ZNF584: variants seen among roughly 807,000 people sequenced by gnomAD.
The protein encoded by ZNF584 is zinc finger protein 584.
In ZNF584, 12 loss-of-function variants were observed where a neutral mutation model predicts 14.7. That is an observed-to-expected ratio of 0.82 (90% CI 0.52 to 1.32). The LOEUF (loss-of-function observed/expected upper bound fraction) is 1.32, where lower values mean the gene tolerates loss of function less well. ZNF584 is among the 40% of genes most tolerant of loss of function. The probability of loss-of-function intolerance (pLI) is 0.00; values close to 1 mark genes in which losing one functional copy is unlikely to be tolerated. For synonymous variants in ZNF584, 204 were observed against 190.9 expected (o/e 1.07, Z -0.57); for missense variants, 478 against 518.8 (o/e 0.92, Z 0.76).
At chr19:58,415,670 C>G in intron 3 of ZNF584, 24 bp downstream of exon 3, 3 of 1,610,372 alleles carry the variant, frequency 1.9e-6, no homozygotes, top group Non-Finnish European at 2.5e-6. Flanking sequence ...AGGGGAATAC[C>G]TTGGTTTCAG....
At position 58,410,621 on chromosome 19, in the gene ZNF584, ATG is replaced by A. The variant is rs1555785587; in HGVS notation, c.169+534_169+535del. Among the ~76,000 whole-genome samples the A allele has an allele frequency of 1.0e-4, 5 of 48,058 alleles. 1 individual carries two copies. The highest frequency in any genetic ancestry group is 5.4e-4 in the African/African-American group (3 of 5,564). The allele number at this position is 48,058 out of a possible 152,430, so 31.5% of individuals were successfully genotyped here. A position where few individuals can be genotyped will look rare whatever the true frequency, so the allele number is the denominator to read the frequency against. On this transcript the variant is annotated intron_variant, in intron 2 of 3. Coordinates refer to ENST00000306910, the MANE Select transcript of ZNF584 (RefSeq NM_173548.3). ...TATATATGTATATATATGTGTATATATGTGTATATATGTGTATATATATGTGT... is the reference window on the plus strand; with the variant it reads ...TATATATGTATATATATGTGTATATATGTATATATGTGTATATATATGTGT...
intron 2 of ZNF584, among the ~76,000 whole-genome samples, chr19:58,414,420 G>C (rs973395443): frequency 6.6e-6 from 1 of 151,752 alleles, no homozygotes; most frequent in African/African-American, 2.4e-5. Context: ...CTCACTGCAA[G>C]CTCTGCCTCC....
At chr19:58,401,727 C>G (rs921564868) in intron 1 of ZNF584, 1 of 136,726 alleles carries the variant, frequency 7.3e-6, no homozygotes, top group East Asian at 2.4e-4. Flanking sequence ...CACGCCACGC[C>G]GGGGACGAGT....
At chr19:58,401,958 A>G (rs1489169197) in intron 1 of ZNF584, among the ~76,000 whole-genome samples, 4 of 134,960 alleles carry the variant, frequency 3.0e-5, no homozygotes, top group Non-Finnish European at 4.6e-5. Flanking sequence ...AGTCCCAACC[A>G]CTCGGGAGGC....
chr19:58,412,100 G>T (rs866385294), intron 2 of ZNF584, among the ~76,000 whole-genome samples: 10 of 144,602 alleles, frequency 6.9e-5, no homozygotes, highest in African/African-American at 2.6e-4. Context: ...TCCTGCCCCC[G>T]CCTCCTGAGT....
chr19:58,405,099 AC>A (rs1219815574), upstream of ZNF584: 15 of 125,680 alleles, frequency 1.2e-4, no homozygotes, highest in African/African-American at 4.8e-4. Context: ...GGGGCTCCTC[AC>A]TTCCCAGTAG....
chr19:58,415,031 T>C (rs752894386), intron 2 of ZNF584, among the ~76,000 whole-genome samples: 3 of 151,320 alleles, frequency 2.0e-5, no homozygotes, highest in African/African-American at 7.3e-5. Flanking sequence ...TAGCTGGGAC[T>C]ACAGGTGCCC....
chr19:58,407,971 C>T (rs1420536241), upstream of ZNF584, among the ~76,000 whole-genome samples: 1 of 150,830 alleles, frequency 6.6e-6, no homozygotes, highest in Non-Finnish European at 1.5e-5. Flanking sequence ...GCAGGGCGAC[C>T]TGTCCCTGGC....
chr19:58,411,770 A>G (rs1267901455), intron 2 of ZNF584, among the ~76,000 whole-genome samples: 3 of 150,554 alleles, frequency 2.0e-5, no homozygotes, highest in South Asian at 2.1e-4. Context: ...CAGCCTCCCA[A>G]GTAGCTGGGA....
chr19:58,409,081 T>A lies in ZNF584; in HGVS notation c.-67T>A. The stretch of plus-strand genomic sequence containing the variant: ...GAAGGTTCCACGGCGGCCGAGGGTT[T>A]CCGCGCCCGGGACGCGTTTCGGCTG... On this transcript the variant is annotated 5_prime_UTR_variant, in exon 1 of 4. Transcript: ENST00000306910. 1 of 1,456,658 alleles carries A rather than the reference T, an allele frequency of 6.9e-7. No homozygotes were observed. Among genetic ancestry groups the A allele is most frequent in the Non-Finnish European group, 9.1e-7 (1 of 1,093,702 alleles). The allele number at this position is 1,456,658 out of a possible 1,614,324, so 90.2% of individuals were successfully genotyped here.
chr19:58,410,589 A>ATATATG (rs1568584551), intron 2 of ZNF584, among the ~76,000 whole-genome samples: 4 of 35,570 alleles, frequency 1.1e-4, no homozygotes, highest in African/African-American at 8.7e-4. Context: ...ATATGTATAT[A>ATATATG]TATGTATATA....
intron 2 of ZNF584, 54 bp downstream of exon 2, chr19:58,410,145 T>G (rs1031424652): frequency 9.7e-6 from 15 of 1,546,674 alleles, no homozygotes; most frequent in Non-Finnish European, 1.3e-5. Flanking sequence ...ATTTTCCCCA[T>G]GCGAAGTTCT....
chr19:58,405,688 C>CTTCTCAGACGGGGCGGCCGGGCAGAGAT (rs2052466239), upstream of ZNF584: 1 of 138,618 alleles, frequency 7.2e-6, no homozygotes, highest in African/African-American at 2.9e-5. Flanking sequence ...CGGGCAGAGA[C>CTTCTCAGACGGGGCGGCCGGGCAGAGAT]GCTCCTCACA....
chr19:58,409,159 G>C lies in ZNF584; in HGVS notation c.12G>C (p.Glu4Asp), dbSNP rs374095334. Residue 4 changes from glutamate (E) to aspartate (D), a missense_variant, in exon 1 of 4, where the codon GAG becomes GAC. Glu to Asp is a conservative substitution (Grantham distance 45, BLOSUM62 2). Transcript: ENST00000306910. MAG[E>D]AEAQLDPSLQ... ...GCCCGCACGGTCCAATGGCCGGGGA[G>C]GCGGAGGTGAGCAGAGGATGCCTCC... The C allele has an allele frequency of 4.8e-6, 7 of 1,446,534 alleles. No homozygotes were observed. The highest frequency in any genetic ancestry group is 1.4e-5 in the South Asian group (1 of 69,844). The allele number at this position is 1,446,534 out of a possible 1,614,324, so 89.6% of individuals were successfully genotyped here.
intron 2 of ZNF584, among the ~76,000 whole-genome samples, chr19:58,412,064 C>G (rs1309755196): frequency 2.0e-5 from 3 of 150,022 alleles, no homozygotes; most frequent in Non-Finnish European, 3.0e-5. Flanking sequence ...TCATTGCAAC[C>G]TCCACCTCTT....
upstream of ZNF584, chr19:58,406,988 C>T (rs1278051395): frequency 6.6e-6 from 1 of 152,502 alleles, no homozygotes; most frequent in African/African-American, 2.4e-5. Flanking sequence ...AAACATTGCA[C>T]AGCTAGGCAC....
intron 1 of ZNF584, among the ~76,000 whole-genome samples, chr19:58,401,886 A>AAG (rs2052433362): frequency 4.3e-5 from 1 of 23,418 alleles, no homozygotes; most frequent in Non-Finnish European, 7.6e-5. Flanking sequence ...GAGACTCCTC[A>AAG]AAAAAAAAAA....
intron 2 of ZNF584, among the ~76,000 whole-genome samples, chr19:58,411,252 T>C (rs2052568603): frequency 6.6e-6 from 1 of 151,926 alleles, no homozygotes; most frequent in South Asian, 2.1e-4. Flanking sequence ...CATGGCCAGG[T>C]GCAGTGGCTC....
chr19:58,410,539 A>AATTTTTTTTTTTTTTTTTTTTTTTTT lies in ZNF584; in HGVS notation c.169+448_169+449insATTTTTTTTTTTTTTTTTTTTTTTTT. Among the ~76,000 whole-genome samples, 140 of 38,694 alleles carry AATTTTTTTTTTTTTTTTTTTTTTTTT rather than the reference A, an allele frequency of 3.6e-3. 19 individuals are homozygous for AATTTTTTTTTTTTTTTTTTTTTTTTT. The highest frequency in any genetic ancestry group is 0.011 in the African/African-American group (86 of 7,918). 25.4% of individuals were successfully genotyped at this position (38,694 alleles called of 152,430 possible). ...GGGAAATATATATATATATATATAT[A>AATTTTTTTTTTTTTTTTTTTTTTTTT]TATATATATATATATATATGTGTAT... On this transcript the variant is annotated intron_variant, in intron 2 of 3. Coordinates refer to ENST00000306910, the MANE Select transcript of ZNF584 (RefSeq NM_173548.3).
Sources: gnomAD v4.1 joint callset for allele counts (sites outside exome capture counted in the v4.1 genomes callset) on GRCh38, gnomAD v4.1.1 for gene constraint, MANE v1.5 for transcripts, NCBI Gene and HGNC (gene_info 2026-07-23, HGNC 2026-07-21) for gene names.